SEMA3C: variants seen among roughly 807,000 people sequenced by gnomAD.
The protein encoded by SEMA3C is semaphorin-3C.
Under a neutral mutation model 89.4 loss-of-function variants are expected in SEMA3C, and 47 were observed. That is an observed-to-expected ratio of 0.53 (90% CI 0.42 to 0.67). SEMA3C has a LOEUF of 0.67. Among genes scored for constraint, SEMA3C ranks in the 30% least tolerant of loss-of-function variants. The pLI is 0.00. For synonymous variants in SEMA3C, 310 were observed against 320.2 expected (o/e 0.97, Z 0.34); for missense variants, 839 against 929.1 (o/e 0.90, Z 1.26).
chr7:80,831,911 T>C (rs1583920412), intron 2 of SEMA3C, among the ~76,000 whole-genome samples: 1 of 152,138 alleles, frequency 6.6e-6, no homozygotes, highest in Non-Finnish European at 1.5e-5. Context: ...GAGATATATT[T>C]GGTAGAGAAA....
chr7:80,819,208 A>G (rs1789686131), intron 4 of SEMA3C, among the ~76,000 whole-genome samples: 1 of 152,230 alleles, frequency 6.6e-6, no homozygotes, highest in Admixed American at 6.5e-5. Context: ...TTGTTAAAAG[A>G]CGTGTTTCCA....
Position 80,828,731 on chromosome 7 carries a change from T to C in SEMA3C, c.118A>G (p.Lys40Glu). ...YLTFDELRETKTSEYFSLSHH... is the reference protein window; with the variant it reads ...YLTFDELRETETSEYFSLSHH... ...GAAAGGCTGAAGTATTCAGAGGTCT[T>C]GGTTTCTCGAAGTTCTGAAAGAGTG... is the stretch of plus-strand genomic sequence containing the variant. Residue 40 changes from lysine to glutamate, a missense_variant, in exon 3 of 18, where the codon AAG (lysine) becomes GAG (glutamate). Physicochemically the swap from Lys to Glu is moderately conservative, Grantham distance 56. Transcript: ENST00000265361. 6.2e-7 allele frequency: 1 copy of C among 1,606,620 alleles called. No individual in the cohort carries two copies. Among genetic ancestry groups the C allele is most frequent in the Non-Finnish European group, 8.5e-7 (1 of 1,175,524 alleles).
intron 2 of SEMA3C, among the ~76,000 whole-genome samples, chr7:80,861,869 A>T (rs762100397): frequency 6.6e-6 from 1 of 152,214 alleles, no homozygotes; most frequent in African/African-American, 2.4e-5. Context: ...AGATGCAGAA[A>T]AAGCATTTGA....
rs1787755284 is a variant in SEMA3C, at chr7:80,744,587, A to G, written c.*307T>C. ...CAGGGATATGGCCCTCATTCAATTGAGGGATGCAACAATTCTAGTTTTGCA... is the reference window on the plus strand; with the variant it reads ...CAGGGATATGGCCCTCATTCAATTGGGGGATGCAACAATTCTAGTTTTGCA... On this transcript the variant is annotated 3_prime_UTR_variant, in exon 18 of 18. Transcript: ENST00000265361. 5.3e-6 allele frequency: 2 copies of G among 374,448 alleles called. No individual in the cohort carries two copies. Among genetic ancestry groups the G allele is most frequent in the East Asian group, 1.3e-4 (2 of 15,212 alleles). The allele number at this position is 374,448 out of a possible 1,614,324, so 23.2% of individuals were successfully genotyped here.
At chr7:80,772,620 C>T (rs1788459109) in intron 12 of SEMA3C, among the ~76,000 whole-genome samples, 1 of 152,004 alleles carries the variant, frequency 6.6e-6, no homozygotes, top group Non-Finnish European at 1.5e-5. Context: ...ATCTAATCAT[C>T]TTCCCAAGAG....
At chr7:80,797,979 C>T in intron 11 of SEMA3C, 113 bp downstream of exon 11, 1 of 1,040,762 alleles carries the variant, frequency 9.6e-7, no homozygotes. Flanking sequence ...CCCTGGGCAA[C>T]AGAGTGAGAC....
In SEMA3C at chr7:80,763,056, G is replaced by A. The variant is rs184199115; in HGVS notation, c.1444-1399C>T. On this transcript the variant is annotated intron_variant, in intron 13 of 17. Transcript: ENST00000265361. Reference sequence around the variant, plus strand: ...CACACATGCACACACACATACAAATGCTGCAACCTATAATCAGTTAGGCAG... The same window carrying A: ...CACACATGCACACACACATACAAATACTGCAACCTATAATCAGTTAGGCAG... Among the ~76,000 whole-genome samples the A allele has an allele frequency of 3.6e-3, 542 of 152,148 alleles. 3 individuals are homozygous for A. Among genetic ancestry groups the A allele is most frequent in the African/African-American group, 0.012 (516 of 41,480 alleles).
rs370333571 is a variant in SEMA3C at position 80,886,622 on chromosome 7, G to A, written c.103+30057C>T. On this transcript the variant is annotated intron_variant, in intron 2 of 17. Transcript: ENST00000265361. Reference sequence around the variant, plus strand: ...CTGCCTCAGCCTCCCAAAGTGCTGGGATTACAGGCATGAGCCACCTTGCCC... The same window carrying A: ...CTGCCTCAGCCTCCCAAAGTGCTGGAATTACAGGCATGAGCCACCTTGCCC... 2.0e-5 allele frequency among the ~76,000 whole-genome samples: 3 copies of A among 152,280 alleles called. No homozygotes were observed. In the East Asian group the frequency reaches 5.8e-4, roughly 29 times the overall value.
chr7:80,892,025 A>G (rs1791627485), intron 2 of SEMA3C, among the ~76,000 whole-genome samples: 2 of 152,164 alleles, frequency 1.3e-5, no homozygotes, highest in South Asian at 4.1e-4. Context: ...GAAACAGTAG[A>G]AATAGTAAAT....
At chr7:80,863,289 C>T (rs1790816926) in intron 2 of SEMA3C, among the ~76,000 whole-genome samples, 1 of 147,662 alleles carries the variant, frequency 6.8e-6, no homozygotes, top group Admixed American at 6.7e-5. Context: ...AAATCAAAAC[C>T]ACAATGGAAT....
At chr7:80,746,528 C>T (rs2117022414) in intron 17 of SEMA3C, among the ~76,000 whole-genome samples, 1 of 151,876 alleles carries the variant, frequency 6.6e-6, no homozygotes, top group African/African-American at 2.4e-5. Flanking sequence ...TAATATTTGG[C>T]ACAATTACAT....
At chr7:80,891,768 C>T (rs780964738) in intron 2 of SEMA3C, among the ~76,000 whole-genome samples, 2 of 152,120 alleles carry the variant, frequency 1.3e-5, no homozygotes, top group African/African-American at 2.4e-5. Context: ...CTAGTGATTT[C>T]GTTCTCTTAA....
At chr7:80,786,105 C>T (rs1788796019) in intron 12 of SEMA3C, among the ~76,000 whole-genome samples, 1 of 152,194 alleles carries the variant, frequency 6.6e-6, no homozygotes, top group East Asian at 1.9e-4. Flanking sequence ...CCTCAAGAGA[C>T]TCCTGTGGCT....
intron 8 of SEMA3C, among the ~76,000 whole-genome samples, chr7:80,803,134 A>G (rs1789249012): frequency 6.6e-6 from 1 of 152,210 alleles, no homozygotes; most frequent in Non-Finnish European, 1.5e-5. Flanking sequence ...CAATTTGAAC[A>G]TAAATTATTA....
Position 80,798,145 on chromosome 7 carries a change from T to C in SEMA3C, c.1078A>G (p.Asn360Asp). Reference protein sequence around the residue: ...NGPFAHKEGPNHQLISYQGRI... With the variant: ...NGPFAHKEGPDHQLISYQGRI... Reference sequence around the variant, plus strand: ...CCCTGATAGGAAATCAGCTGATGATTGGGCCCTTCTTTGTGGGCAAAAGGC... The same window carrying C: ...CCCTGATAGGAAATCAGCTGATGATCGGGCCCTTCTTTGTGGGCAAAAGGC... Residue 360 changes from asparagine (N) to aspartate (D), a missense_variant, in exon 11 of 18, where the codon AAT becomes GAT. Coordinates refer to ENST00000265361, the MANE Select transcript of SEMA3C (RefSeq NM_006379.5). 1 of 1,608,602 alleles carries C rather than the reference T, an allele frequency of 6.2e-7. No individual in the cohort carries two copies. Among genetic ancestry groups the C allele is most frequent in the South Asian group, 1.1e-5 (1 of 90,106 alleles).
intron 2 of SEMA3C, chr7:80,915,723 A>G (rs12154611): frequency 0.56 from 80,472 of 143,012 alleles, 24,609 homozygotes; most frequent in South Asian, 0.71. Context: ...ACCTGGTGAC[A>G]GCGTGAGACA....
chr7:80,905,250 G>A (rs1471587940), intron 2 of SEMA3C, among the ~76,000 whole-genome samples: 4 of 96,866 alleles, frequency 4.1e-5, no homozygotes, highest in East Asian at 3.6e-4. Flanking sequence ...GAGAGGGAGA[G>A]ATAGGGAGAG....
chr7:80,800,178 A>G (rs1429841805), intron 10 of SEMA3C, among the ~76,000 whole-genome samples: 2 of 151,986 alleles, frequency 1.3e-5, no homozygotes, highest in Non-Finnish European at 2.9e-5. Context: ...AAAGACAGAA[A>G]AAGAACATTG....
intron 2 of SEMA3C, among the ~76,000 whole-genome samples, chr7:80,859,194 T>C (rs1443150434): frequency 6.6e-6 from 1 of 152,024 alleles, no homozygotes; most frequent in Non-Finnish European, 1.5e-5. Flanking sequence ...CAAAGAAGCA[T>C]ATTTATTTTT....
Sources: allele counts gnomAD v4.1 joint callset (sites outside exome capture counted in the v4.1 genomes callset), GRCh38; gene constraint gnomAD v4.1.1; transcripts MANE v1.5; gene names NCBI Gene and HGNC (gene_info 2026-07-23, HGNC 2026-07-21).